Variants in RIPOR2 observed in about 807,000 individuals in gnomAD.
RIPOR2 encodes RHO family interacting cell polarization regulator 2.
Under a neutral mutation model 114.5 loss-of-function variants are expected in RIPOR2, and 39 were observed. That is an observed-to-expected ratio of 0.34 (90% CI 0.26 to 0.44). The LOEUF is 0.44. Ranked by LOEUF, RIPOR2 falls within the 20% of genes least tolerant of loss-of-function variation. RIPOR2 has a pLI of 1.00. For synonymous variants in RIPOR2, 445 were observed against 484.4 expected, an observed-to-expected ratio of 0.92 and a Z score of 1.07; for missense variants, 1,007 against 1,255.1, an observed-to-expected ratio of 0.80 and a Z score of 2.99.
At chr6:24,976,391 C>T (rs1469457905) in intron 1 of RIPOR2, 8 of 1,409,754 alleles carry the variant, frequency 5.7e-6, no homozygotes, top group Non-Finnish European at 7.0e-6. Context: ...CAGACGCCGC[C>T]GCCGAGGAAA....
chr6:24,818,702 C>T (rs563275831), intron 19 of RIPOR2, 77 bp from the exon 20 acceptor site: 3 of 777,558 alleles, frequency 3.9e-6, no homozygotes, highest in East Asian at 2.8e-5. Context: ...TTCTTACTCT[C>T]TGAGATAAAC....
chr6:24,921,782 GA>G (rs1770516436), intron 1 of RIPOR2, among the ~76,000 whole-genome samples: 1 of 151,930 alleles, frequency 6.6e-6, no homozygotes, highest in Non-Finnish European at 1.5e-5. Flanking sequence ...GAACAGAACT[GA>G]ACCAAGCATG....
At position 24,843,075 on chromosome 6, in the gene RIPOR2, C is replaced by T. The variant is rs1471352222; in HGVS notation, c.1644G>A (p.Lys548=). 6.2e-7 allele frequency: 1 copy of T among 1,613,762 alleles called. No individual in the cohort carries two copies. Among genetic ancestry groups the T allele is most frequent in the African/African-American group, 1.3e-5 (1 of 74,930 alleles). ...SEGNITKQLV[K]RLTSAEVPMA... Reference sequence around the variant, plus strand: ...TTGGCACCTCTGCAGATGTGAGCCTCTTGACCAGCTGCTTTGTGATGTTTC... The same window carrying T: ...TTGGCACCTCTGCAGATGTGAGCCTTTTGACCAGCTGCTTTGTGATGTTTC... The change falls in exon 13 of 22, where the codon AAG becomes AAA. Residue 548 remains lysine (K), a synonymous_variant. Transcript: ENST00000643898.
intron 1 of RIPOR2, among the ~76,000 whole-genome samples, chr6:24,923,692 A>G (rs1770662440): frequency 6.6e-6 from 1 of 151,978 alleles, no homozygotes. Context: ...TAAAAATACA[A>G]AATATTAGCA....
chr6:24,916,029 G>C (rs1287966413), intron 1 of RIPOR2, among the ~76,000 whole-genome samples: 1 of 152,224 alleles, frequency 6.6e-6, no homozygotes, highest in African/African-American at 2.4e-5. Context: ...GTTGCCAGTA[G>C]AGAACTCAGT....
In RIPOR2 at chr6:24,935,957, C is replaced by G. The variant is rs1771780327; in HGVS notation, c.-59G>C. The G allele has an allele frequency of 1.6e-6, 2 of 1,262,226 alleles. No homozygotes were observed. Among genetic ancestry groups the G allele is most frequent in the Non-Finnish European group, 2.2e-6 (2 of 899,612 alleles). The allele number at this position is 1,262,226 out of a possible 1,614,324, so 78.2% of individuals were successfully genotyped here. A position where few individuals can be genotyped will look rare whatever the true frequency, so the allele number is the denominator to read the frequency against. On this transcript the variant is annotated 5_prime_UTR_variant, in exon 1 of 22. Coordinates refer to ENST00000643898, the MANE Select transcript of RIPOR2 (RefSeq NM_001286445.3). The stretch of plus-strand genomic sequence containing the variant: ...GCAGCCCCGGCAGTCTCAGCAGTCA[C>G]ACTGCCGACCGAGGTGATTTCCTTT...
intron 1 of RIPOR2, among the ~76,000 whole-genome samples, chr6:24,902,648 T>C (rs1261910055): frequency 6.6e-6 from 1 of 152,252 alleles, no homozygotes; most frequent in Non-Finnish European, 1.5e-5. Flanking sequence ...TTTGGATTCC[T>C]GTTTGTTCAC....
chr6:24,974,152 G>T (rs1452916496), intron 1 of RIPOR2, among the ~76,000 whole-genome samples: 8 of 152,208 alleles, frequency 5.3e-5, no homozygotes, highest in African/African-American at 1.9e-4. Context: ...GGGAGGCAGA[G>T]GTGGGAGGAC....
At chr6:25,032,310 T>C (rs1777029033) in intron 1 of RIPOR2, among the ~76,000 whole-genome samples, 1 of 151,996 alleles carries the variant, frequency 6.6e-6, no homozygotes, top group African/African-American at 2.4e-5. Flanking sequence ...TATCTCAGAC[T>C]CCGTTTTTCT....
At chr6:24,935,533 G>C (rs1313214424) in intron 1 of RIPOR2, among the ~76,000 whole-genome samples, 2 of 152,110 alleles carry the variant, frequency 1.3e-5, no homozygotes, top group Non-Finnish European at 2.9e-5. Context: ...TTAGACAAGA[G>C]ATAGCACAGA....
chr6:24,990,980 A>G (rs1774784943), intron 1 of RIPOR2, among the ~76,000 whole-genome samples: 1 of 152,254 alleles, frequency 6.6e-6, no homozygotes, highest in South Asian at 2.1e-4. Flanking sequence ...TTGGCCAGCC[A>G]TTGGTGGTAC....
At chr6:24,840,053 A>G (rs1265879737) in intron 13 of RIPOR2, 1 of 787,540 alleles carries the variant, frequency 1.3e-6, no homozygotes, top group East Asian at 1.3e-4. Flanking sequence ...GGGCTTAAGC[A>G]ATCCTCTCAC....
intron 1 of RIPOR2, among the ~76,000 whole-genome samples, chr6:24,964,623 G>A (rs567589392): frequency 3.9e-5 from 6 of 152,292 alleles, no homozygotes; most frequent in Non-Finnish European, 7.4e-5. Flanking sequence ...TTTTTGTGTG[G>A]ATGTAAATGT....
chr6:24,817,764 G>A (rs1759287840), intron 20 of RIPOR2, among the ~76,000 whole-genome samples: 2 of 152,042 alleles, frequency 1.3e-5, no homozygotes, highest in Non-Finnish European at 1.5e-5. Context: ...CCCTGCTCAC[G>A]ACACCTCCTT....
rs1427179907 is a variant in RIPOR2, at chr6:24,830,814, C to T, written c.2345-144G>A. The T allele has an allele frequency of 1.0e-5, 8 of 798,194 alleles. 1 individual carries two copies. Among genetic ancestry groups the T allele is most frequent in the Middle Eastern group, 7.8e-4 (2 of 2,558 alleles). The allele number at this position is 798,194 out of a possible 1,614,324, so 49.4% of individuals were successfully genotyped here. A position where few individuals can be genotyped will look rare whatever the true frequency, so the allele number is the denominator to read the frequency against. On this transcript the variant is annotated intron_variant, in intron 16 of 21. Transcript: ENST00000643898. ...CACTGGAACTTCCGCCTCCTGGGTT[C>T]AAGTGATTCTCTTGCCTGAGCTTCC...
intron 12 of RIPOR2, among the ~76,000 whole-genome samples, chr6:24,845,869 A>T (rs528397291): frequency 3.3e-4 from 50 of 152,270 alleles, no homozygotes; most frequent in African/African-American, 1.0e-3. Context: ...AAGGAACAAC[A>T]TGCAAAGACA....
At chr6:24,944,899 G>A (rs1169255551) in intron 1 of RIPOR2, among the ~76,000 whole-genome samples, 1 of 152,116 alleles carries the variant, frequency 6.6e-6, no homozygotes, top group Non-Finnish European at 1.5e-5. Flanking sequence ...GTTGGTTAAT[G>A]GGCACAAAAA....
intron 1 of RIPOR2, among the ~76,000 whole-genome samples, chr6:24,927,428 T>C (rs1285513817): frequency 5.5e-5 from 8 of 145,462 alleles, no homozygotes; most frequent in African/African-American, 2.1e-4. Context: ...TCACCACCAT[T>C]ATCACCACCA....
intron 1 of RIPOR2, among the ~76,000 whole-genome samples, chr6:24,893,034 A>G (rs1303988280): frequency 6.6e-6 from 1 of 152,200 alleles, no homozygotes; most frequent in African/African-American, 2.4e-5. Context: ...CTGTCTCTAA[A>G]AAAACCAAAA....
Sources: gnomAD v4.1 joint callset for allele counts (sites outside exome capture counted in the v4.1 genomes callset) on GRCh38, gnomAD v4.1.1 for gene constraint, MANE v1.5 for transcripts, NCBI Gene and HGNC (gene_info 2026-07-23, HGNC 2026-07-21) for gene names.